CHD9: variants seen among roughly 807,000 people sequenced by gnomAD.
CHD9 encodes chromodomain helicase DNA binding protein 9.
Under a neutral mutation model 316.1 loss-of-function variants are expected in CHD9, and 77 were observed. That is an observed-to-expected ratio of 0.24 (90% CI 0.20 to 0.29). The LOEUF is 0.29. CHD9 is among the 10% of genes least tolerant of loss of function. CHD9 has a pLI of 1.00. For missense variants in CHD9, 2,763 were observed against 3,438.1 expected (o/e 0.80, Z 4.91); for synonymous variants, 1,129 against 1,158.3 (o/e 0.97, Z 0.51).
intron 2 of CHD9, among the ~76,000 whole-genome samples, chr16:53,171,853 C>CACAG (rs2042762822): frequency 3.0e-5 from 2 of 66,334 alleles, no homozygotes; most frequent in African/African-American, 1.4e-4. Flanking sequence ...CACACACACA[C>CACAG]ACACACAGAC....
In CHD9 at chr16:53,156,495, C is replaced by A. The variant is rs1750046845; in HGVS notation, c.406C>A (p.Gln136Lys). ...TCAGACAGCTACTACCATTTCAAAT[C>A]AAAATGGATCTCCTTTTCACCAACA... ...GHQTATTISN[Q>K]NGSPFHQQGH... The change falls in exon 2 of 39, where the codon CAA becomes AAA. Residue 136 changes from glutamine to lysine, a missense_variant. Gln to Lys is a moderately conservative substitution (Grantham distance 53, BLOSUM62 1). Around this residue, in one of 15 missense-constraint regions of CHD9, gnomAD observed 859 missense variants for 890.4 expected, o/e 0.96. Transcript: ENST00000447540. The A allele has an allele frequency of 6.2e-7, 1 of 1,613,800 alleles. No individual in the cohort carries two copies. Among genetic ancestry groups the A allele is most frequent in the South Asian group, 1.1e-5 (1 of 91,076 alleles).
chr16:53,181,992 TC>T (rs1370884943), intron 2 of CHD9, among the ~76,000 whole-genome samples: 1 of 152,024 alleles, frequency 6.6e-6, no homozygotes. Context: ...GGCAGGAGAA[TC>T]ACTTGAACCT....
Position 53,254,305 on chromosome 16 carries a change from C to A in CHD9, c.3862-133C>A, listed in dbSNP as rs2050386809. The A allele has an allele frequency of 9.6e-6, 5 of 520,458 alleles. No individual in the cohort carries two copies. In the East Asian group the frequency reaches 1.6e-4, roughly 17 times the overall value. 32.2% of individuals were successfully genotyped at this position (520,458 alleles called of 1,614,324 possible). A position where few individuals can be genotyped will look rare whatever the true frequency, so the allele number is the denominator to read the frequency against. ...ATTGTGGTAAGCTCTCCCTTAATTT[C>A]TAGAAAAAGGTTATATCTAATTCAA... is the stretch of plus-strand genomic sequence containing the variant. On this transcript the variant is annotated intron_variant, in intron 17 of 38. Transcript: ENST00000447540.
At chr16:53,284,126 A>G (rs1048451426) in intron 24 of CHD9, among the ~76,000 whole-genome samples, 5 of 152,092 alleles carry the variant, frequency 3.3e-5, no homozygotes, top group Non-Finnish European at 5.9e-5. Context: ...TCAATAGGAA[A>G]TCCCCCATTT....
intron 19 of CHD9, among the ~76,000 whole-genome samples, chr16:53,262,382 T>A (rs2051226716): frequency 6.6e-6 from 1 of 152,156 alleles, no homozygotes; most frequent in African/African-American, 2.4e-5. Flanking sequence ...CGAAAATAAA[T>A]CACTTGTATT....
At chr16:53,226,599 T>G in intron 5 of CHD9, 87 bp downstream of exon 5, 1 of 1,437,058 alleles carries the variant, frequency 7.0e-7, no homozygotes, top group Non-Finnish European at 9.4e-7. Context: ...TACTAAAAAT[T>G]GCTCTAACTT....
intron 30 of CHD9, chr16:53,299,677 A>G: frequency 2.9e-6 from 1 of 342,342 alleles, no homozygotes; most frequent in Non-Finnish European, 5.5e-6. Flanking sequence ...CTCCATGGCC[A>G]GTTCCTGAGG....
At chr16:53,144,681 A>G (rs144201710) in intron 1 of CHD9, among the ~76,000 whole-genome samples, 29 of 152,016 alleles carry the variant, frequency 1.9e-4, no homozygotes, top group South Asian at 8.3e-4. Context: ...GGCGCCCACT[A>G]TGCCCAGCTA....
chr16:53,108,804 G>A (rs909927959), intron 1 of CHD9, among the ~76,000 whole-genome samples: 8 of 151,956 alleles, frequency 5.3e-5, no homozygotes, highest in South Asian at 2.1e-4. Flanking sequence ...GAACCCCAGA[G>A]GCGGAGGTTG....
chr16:53,080,297 G>T (rs1458118723), intron 1 of CHD9, among the ~76,000 whole-genome samples: 1 of 152,094 alleles, frequency 6.6e-6, no homozygotes, highest in Non-Finnish European at 1.5e-5. Context: ...CTTCCCTGTA[G>T]CCTACTCACA....
intron 2 of CHD9, among the ~76,000 whole-genome samples, chr16:53,167,094 G>A (rs1157023867): frequency 6.6e-6 from 1 of 152,090 alleles, no homozygotes; most frequent in African/African-American, 2.4e-5. Flanking sequence ...CCACACTATG[G>A]ACAGATACAT....
chr16:53,148,391 G>A (rs1172929836), intron 1 of CHD9, among the ~76,000 whole-genome samples: 7 of 152,098 alleles, frequency 4.6e-5, no homozygotes, highest in Non-Finnish European at 1.0e-4. Context: ...ACAGGCACAC[G>A]TACCCGTCTG....
At chr16:53,254,813 T>G (rs2050441034) in intron 18 of CHD9, 2 of 379,474 alleles carry the variant, frequency 5.3e-6, no homozygotes, top group Non-Finnish European at 9.3e-6. Context: ...GAATTCTAAA[T>G]GTATTTTCAA....
At chr16:53,121,247 T>G in intron 1 of CHD9, 1 of 419,412 alleles carries the variant, frequency 2.4e-6, no homozygotes, top group Non-Finnish European at 4.8e-6. Flanking sequence ...GTGAATTCAC[T>G]TTTTAAATAA....
intron 2 of CHD9, among the ~76,000 whole-genome samples, chr16:53,190,852 A>G (rs953304543): frequency 6.6e-6 from 1 of 152,146 alleles, no homozygotes; most frequent in African/African-American, 2.4e-5. Context: ...ATTAAAACTA[A>G]TAAAAGAAGA....
chr16:53,280,445 A>G (rs2053296745), intron 24 of CHD9, among the ~76,000 whole-genome samples: 1 of 152,112 alleles, frequency 6.6e-6, no homozygotes, highest in Non-Finnish European at 1.5e-5. Context: ...CAAACGTTAT[A>G]TGTTCTCATA....
At chr16:53,060,153 G>A (rs2032686658) in intron 1 of CHD9, among the ~76,000 whole-genome samples, 1 of 152,134 alleles carries the variant, frequency 6.6e-6, no homozygotes, top group South Asian at 2.1e-4. Flanking sequence ...AGACCAGCCT[G>A]GGCAACATAG....
chr16:53,106,124 A>T (rs1597005507), intron 1 of CHD9, among the ~76,000 whole-genome samples: 1 of 152,026 alleles, frequency 6.6e-6, no homozygotes, highest in East Asian at 1.9e-4. Flanking sequence ...CTGGCTCAGA[A>T]GTTTTTTAAA....
At chr16:53,198,585 C>G (rs2045156855) in intron 2 of CHD9, among the ~76,000 whole-genome samples, 2 of 152,118 alleles carry the variant, frequency 1.3e-5, no homozygotes, top group African/African-American at 4.8e-5. Flanking sequence ...CTCGGCCTCC[C>G]AAAGTGCTAG....
Sources: gnomAD v4.1 joint callset for allele counts (sites outside exome capture counted in the v4.1 genomes callset) on GRCh38, gnomAD v4.1.1 for gene constraint, gnomAD v4.1.1 regional missense constraint, MANE v1.5 for transcripts, NCBI Gene and HGNC (gene_info 2026-07-23, HGNC 2026-07-21) for gene names.